The following PAPPA2 variants were observed in gnomAD, a reference collection of about 807,000 sequenced individuals.
PAPPA2 encodes the protein pappalysin-2.
In PAPPA2, 86 loss-of-function variants were observed where a neutral mutation model predicts 176.4. That is an observed-to-expected ratio of 0.49 (90% CI 0.41 to 0.58). The LOEUF is 0.58. Ranked by LOEUF, PAPPA2 falls within the 20% of genes least tolerant of loss-of-function variation. The probability of loss-of-function intolerance (pLI) is 0.00; values close to 1 mark genes in which losing one functional copy is unlikely to be tolerated. For missense variants in PAPPA2, 2,073 were observed against 2,256.9 expected, an observed-to-expected ratio of 0.92 and a Z score of 1.65; for synonymous variants, 809 against 852.2, an observed-to-expected ratio of 0.95 and a Z score of 0.88.
intron 3 of PAPPA2, among the ~76,000 whole-genome samples, chr1:176,627,101 A>G (rs11804840): frequency 0.074 from 11,188 of 151,958 alleles, 1,360 homozygotes; most frequent in African/African-American, 0.26. Context: ...ATCCAGACCT[A>G]TGCTACTGGT....
rs887021895 is a variant in PAPPA2 at position 176,845,106 on chromosome 1, G to A, written c.*2652G>A. On this transcript the variant is annotated 3_prime_UTR_variant, in exon 23 of 23. Transcript: ENST00000367662. ...GTCACTGATAAAGTGGAAGGACTAA[G>A]ACACTGTGGTCACAGATCCCAGCAA... The A allele has an allele frequency of 2.0e-5, 3 of 152,154 alleles. No individual in the cohort carries two copies. Among genetic ancestry groups the A allele is most frequent in the Non-Finnish European group, 2.9e-5 (2 of 68,036 alleles). 9.4% of individuals were successfully genotyped at this position (152,154 alleles called of 1,614,324 possible).
chr1:176,498,722 C>T (rs938073399), intron 1 of PAPPA2, among the ~76,000 whole-genome samples: 12 of 149,002 alleles, frequency 8.1e-5, no homozygotes, highest in African/African-American at 2.5e-4. Context: ...TGCACTCCAG[C>T]CTGGGCGACA....
intron 1 of PAPPA2, among the ~76,000 whole-genome samples, chr1:176,498,900 C>T (rs1289345506): frequency 6.6e-6 from 1 of 152,182 alleles, no homozygotes; most frequent in Non-Finnish European, 1.5e-5. Flanking sequence ...GCTGTCCTTT[C>T]CACATTTTGG....
At chr1:176,816,989 A>C (rs980923365) in intron 21 of PAPPA2, among the ~76,000 whole-genome samples, 2 of 152,148 alleles carry the variant, frequency 1.3e-5, no homozygotes, top group Non-Finnish European at 2.9e-5. Flanking sequence ...TGAATGAATC[A>C]TGTTAGATCC....
At chr1:176,535,807 G>A (rs1358763959) in intron 1 of PAPPA2, among the ~76,000 whole-genome samples, 1 of 152,116 alleles carries the variant, frequency 6.6e-6, no homozygotes, top group African/African-American at 2.4e-5. Context: ...TCATATTTTT[G>A]TGAGGAATAT....
chr1:176,826,485 AT>A (rs1383428516), intron 21 of PAPPA2, among the ~76,000 whole-genome samples: 3 of 152,182 alleles, frequency 2.0e-5, no homozygotes, highest in Non-Finnish European at 2.9e-5. Flanking sequence ...TAGGTTCCAT[AT>A]GGGTGAAAGT....
At chr1:176,543,481 A>G (rs1321324243) in intron 1 of PAPPA2, among the ~76,000 whole-genome samples, 1 of 151,674 alleles carries the variant, frequency 6.6e-6, no homozygotes, top group Non-Finnish European at 1.5e-5. Context: ...CTGTTTGGTC[A>G]CTTTCTGGAG....
At chr1:176,502,727 A>G (rs1648034896) in intron 1 of PAPPA2, among the ~76,000 whole-genome samples, 1 of 151,998 alleles carries the variant, frequency 6.6e-6, no homozygotes, top group Admixed American at 6.6e-5. Flanking sequence ...CAAACAACTT[A>G]CTTCACATCT....
chr1:176,826,816 C>A (rs1666878495), intron 21 of PAPPA2, among the ~76,000 whole-genome samples: 1 of 152,076 alleles, frequency 6.6e-6, no homozygotes, highest in South Asian at 2.1e-4. Flanking sequence ...TGTGCGGGGC[C>A]CCTCTAGACC....
intron 12 of PAPPA2, among the ~76,000 whole-genome samples, chr1:176,734,089 G>T (rs1662286708): frequency 6.6e-6 from 1 of 152,144 alleles, no homozygotes; most frequent in Non-Finnish European, 1.5e-5. Context: ...AGTCATGAAA[G>T]AGGGGATGCA....
chr1:176,571,608 C>T (rs1006405157), intron 2 of PAPPA2, among the ~76,000 whole-genome samples: 2 of 152,188 alleles, frequency 1.3e-5, no homozygotes, highest in Non-Finnish European at 2.9e-5. Context: ...GGCTCATGTT[C>T]CTCAGTCCCA....
intron 2 of PAPPA2, among the ~76,000 whole-genome samples, chr1:176,591,444 T>C (rs1011282917): frequency 6.6e-6 from 1 of 152,062 alleles, no homozygotes; most frequent in Non-Finnish European, 1.5e-5. Flanking sequence ...GTTATGACCA[T>C]GTTTTAATAA....
intron 3 of PAPPA2, among the ~76,000 whole-genome samples, chr1:176,637,112 G>A (rs750395024): frequency 1.6e-4 from 25 of 152,132 alleles, no homozygotes; most frequent in South Asian, 4.1e-4. Flanking sequence ...GGGGGATAGC[G>A]TGCATGAAAG....
chr1:176,547,500 G>C (rs558263718), intron 1 of PAPPA2, among the ~76,000 whole-genome samples: 1 of 152,098 alleles, frequency 6.6e-6, no homozygotes, highest in Admixed American at 6.5e-5. Flanking sequence ...ATCTGCCTTG[G>C]TTGTCATGAC....
intron 17 of PAPPA2, among the ~76,000 whole-genome samples, chr1:176,779,519 C>CACACACAG (rs1451138087): frequency 6.7e-4 from 69 of 102,624 alleles, no homozygotes; most frequent in Admixed American, 2.5e-3. Context: ...CACACACACA[C>CACACACAG]AGAGAGAGAG....
Position 176,514,537 on chromosome 1 carries a change from A to G in PAPPA2, c.-916-40870A>G, listed in dbSNP as rs563358245. Among the ~76,000 whole-genome samples, 334 of 152,272 alleles carry G rather than the reference A, an allele frequency of 2.2e-3. 2 individuals carry two copies. Among genetic ancestry groups the G allele is most frequent in the African/African-American group, 7.8e-3 (324 of 41,558 alleles). ...TGCCTCTGCAGTCTTTCCCTTCACC[A>G]CATGGATTTGACTTAAGTCAAAACC... is the stretch of plus-strand genomic sequence containing the variant. On this transcript the variant is annotated intron_variant, in intron 1 of 22. Transcript: ENST00000367662.
chr1:176,598,567 T>C (rs1385970277), intron 3 of PAPPA2, among the ~76,000 whole-genome samples: 2 of 152,132 alleles, frequency 1.3e-5, no homozygotes, highest in Non-Finnish European at 2.9e-5. Flanking sequence ...CCCTTGAGTC[T>C]CTATTTTTCC....
chr1:176,837,676 TA>T (rs1236396944), intron 21 of PAPPA2, among the ~76,000 whole-genome samples: 1 of 152,218 alleles, frequency 6.6e-6, no homozygotes, highest in Non-Finnish European at 1.5e-5. Context: ...TTCACCTATG[TA>T]CACATTGTGC....
Position 176,706,374 on chromosome 1 carries a change from G to C in PAPPA2, c.3381G>C (p.Glu1127Asp). 6.2e-7 allele frequency: 1 copy of C among 1,613,782 alleles called. No individual in the cohort carries two copies. The highest frequency in any genetic ancestry group is 8.5e-7 in the Non-Finnish European group (1 of 1,179,748). The change falls in exon 10 of 23, where the codon GAG becomes GAC. Residue 1127 changes from glutamate (E) to aspartate (D), a missense_variant. Glu to Asp is a conservative substitution (Grantham distance 45). Around this residue, in one of 4 missense-constraint regions of PAPPA2, gnomAD observed 846 missense variants for 857.9 expected, o/e 0.99. Transcript: ENST00000367662. The part of the protein sequence containing the change: ...DGKVSERLGE[E>D]CDDGDLVSGD... ...TACCCTCTAGGAGACTGGGAGAAGA[G>C]TGTGATGATGGAGACCTTGTGAGCG...
Sources: allele counts gnomAD v4.1 joint callset (sites outside exome capture counted in the v4.1 genomes callset), GRCh38; gene constraint gnomAD v4.1.1; regional missense constraint gnomAD v4.1.1; transcripts MANE v1.5; gene names NCBI Gene and HGNC (gene_info 2026-07-23, HGNC 2026-07-21).